Variants in ZNF438 observed in about 807,000 individuals in gnomAD.
The protein encoded by ZNF438 is zinc finger protein 438.
In ZNF438, 25 loss-of-function variants were observed where a neutral mutation model predicts 38.0. The observed-to-expected ratio is 0.66, with a 90% CI of 0.48 to 0.92. ZNF438 has a LOEUF of 0.92. ZNF438 is among the 40% of genes least tolerant of loss of function. ZNF438 has a pLI of 0.00. For missense variants in ZNF438, 1,007 were observed against 999.6 expected, an observed-to-expected ratio of 1.01 and a Z score of -0.10; for synonymous variants, 372 against 364.1, an observed-to-expected ratio of 1.02 and a Z score of -0.25.
At chr10:30,937,912 C>G (rs2046417980) in intron 2 of ZNF438, among the ~76,000 whole-genome samples, 1 of 152,198 alleles carries the variant, frequency 6.6e-6, no homozygotes, top group African/African-American at 2.4e-5. Flanking sequence ...CTCAACTCCT[C>G]AGGAGGGCAT....
intron 1 of ZNF438, among the ~76,000 whole-genome samples, chr10:30,946,025 TA>T (rs2047366473): frequency 1.5e-5 from 2 of 135,118 alleles, no homozygotes; most frequent in African/African-American, 5.7e-5. Context: ...ACCAACAGTG[TA>T]AAAGTGTTCC....
At chr10:30,905,802 T>TTG (rs2042521098) in intron 3 of ZNF438, among the ~76,000 whole-genome samples, 1 of 152,236 alleles carries the variant, frequency 6.6e-6, no homozygotes, top group South Asian at 2.1e-4. Flanking sequence ...GGATATCCAC[T>TTG]TGTCCCAAGA....
chr10:30,922,751 C>A (rs1348386011), intron 2 of ZNF438, among the ~76,000 whole-genome samples: 1 of 151,768 alleles, frequency 6.6e-6, no homozygotes, highest in Non-Finnish European at 1.5e-5. Context: ...AGGAGGATCA[C>A]TTGAACCAGA....
intron 4 of ZNF438, chr10:30,857,637 T>C (rs750621369): frequency 6.3e-6 from 9 of 1,421,238 alleles, no homozygotes; most frequent in Non-Finnish European, 7.7e-6. Flanking sequence ...TAATAGTCAT[T>C]TGAAAGCAAA....
At chr10:30,987,512 C>G (rs1251252948) in intron 1 of ZNF438, among the ~76,000 whole-genome samples, 1 of 152,070 alleles carries the variant, frequency 6.6e-6, no homozygotes, top group Non-Finnish European at 1.5e-5. Flanking sequence ...TTGAAAATAG[C>G]TATGGACTAA....
chr10:30,922,343 T>C (rs1294934087), intron 2 of ZNF438, among the ~76,000 whole-genome samples: 1 of 152,210 alleles, frequency 6.6e-6, no homozygotes, highest in African/African-American at 2.4e-5. Flanking sequence ...TGGAGGCATA[T>C]ATTAACATAT....
chr10:31,032,164 C>T (rs1287659743), upstream of ZNF438, among the ~76,000 whole-genome samples: 2 of 152,220 alleles, frequency 1.3e-5, no homozygotes, highest in Non-Finnish European at 2.9e-5. Flanking sequence ...CAAAAGGGGA[C>T]GGAGACCTTC....
At chr10:30,845,674 G>T in intron 5 of ZNF438, 101 bp from the exon 7 acceptor site, 1 of 1,383,504 alleles carries the variant, frequency 7.2e-7, no homozygotes, top group Non-Finnish European at 9.7e-7. Flanking sequence ...ACATAACACT[G>T]ACGAGAAAGA....
At chr10:30,858,831 C>A (rs1048262615) in intron 4 of ZNF438, among the ~76,000 whole-genome samples, 2 of 152,126 alleles carry the variant, frequency 1.3e-5, no homozygotes, top group African/African-American at 4.8e-5. Flanking sequence ...TCCTTAACAC[C>A]ACCAGTGACA....
At chr10:30,996,934 C>T (rs1362170543) in intron 1 of ZNF438, among the ~76,000 whole-genome samples, 2 of 152,022 alleles carry the variant, frequency 1.3e-5, no homozygotes, top group Non-Finnish European at 2.9e-5. Context: ...GAACCACACT[C>T]CTAAATAACC....
At chr10:30,878,877 C>A (rs1420735335) in intron 3 of ZNF438, among the ~76,000 whole-genome samples, 1 of 152,124 alleles carries the variant, frequency 6.6e-6, no homozygotes, top group Non-Finnish European at 1.5e-5. Context: ...GTAAACAGGG[C>A]ACCCCCATTG....
At chr10:30,999,652 ATTCAT>A in intron 1 of ZNF438, 1 of 152,280 alleles carries the variant, frequency 6.6e-6, no homozygotes, top group Non-Finnish European at 1.5e-5. Flanking sequence ...TGTTTCAGGG[ATTCAT>A]TTCATTTGCT....
At chr10:30,856,452 C>T (rs1184193942) in intron 4 of ZNF438, among the ~76,000 whole-genome samples, 3 of 151,480 alleles carry the variant, frequency 2.0e-5, no homozygotes, top group Non-Finnish European at 4.4e-5. Context: ...ATTAAGTTTT[C>T]AAAAACTCTA....
intron 1 of ZNF438, among the ~76,000 whole-genome samples, chr10:30,967,780 T>C (rs2050290376): frequency 6.6e-6 from 1 of 152,182 alleles, no homozygotes; most frequent in African/African-American, 2.4e-5. Context: ...TGGGACACAC[T>C]TGGCCAGTGC....
At chr10:30,867,365 T>C (rs983279070) in intron 4 of ZNF438, among the ~76,000 whole-genome samples, 2 of 152,218 alleles carry the variant, frequency 1.3e-5, no homozygotes, top group African/African-American at 2.4e-5. Flanking sequence ...GCAAAAGTAA[T>C]TGTGGTTTTT....
rs116551667 is a variant in ZNF438 at position 30,864,405 on chromosome 10, G to A, written c.37+12593C>T. Among the ~76,000 whole-genome samples, 1,516 of 152,304 alleles carry A rather than the reference G, an allele frequency of 1.0e-2. 26 individuals are homozygous for A. Among genetic ancestry groups the A allele is most frequent in the African/African-American group, 0.034 (1,404 of 41,554 alleles). ...CCCCAGCTCTCAGGGAGGCTGGCCT[G>A]TGACCATCCTGTCTAAAAGGAGCTG... On this transcript the variant is annotated intron_variant, in intron 4 of 5. Coordinates refer to ENST00000413025, the Ensembl canonical transcript of ZNF438.
chr10:30,947,906 C>G (rs1157656373), intron 1 of ZNF438, among the ~76,000 whole-genome samples: 1 of 152,206 alleles, frequency 6.6e-6, no homozygotes. Flanking sequence ...TGACCTGCGC[C>G]CACTGTCTGG....
intron 4 of ZNF438, among the ~76,000 whole-genome samples, chr10:30,865,821 T>C (rs2036327694): frequency 6.6e-6 from 1 of 152,230 alleles, no homozygotes; most frequent in South Asian, 2.1e-4. Flanking sequence ...TTGAGCAAGA[T>C]AATAATCCTT....
intron 2 of ZNF438, among the ~76,000 whole-genome samples, chr10:30,931,024 T>C (rs926590381): frequency 2.6e-5 from 4 of 152,092 alleles, no homozygotes; most frequent in Admixed American, 2.0e-4. Context: ...GCTATGCCCC[T>C]CTACTGGAGC....
Sources: allele counts gnomAD v4.1 joint callset (sites outside exome capture counted in the v4.1 genomes callset), GRCh38; gene constraint gnomAD v4.1.1; transcripts MANE v1.5; gene names NCBI Gene and HGNC (gene_info 2026-07-23, HGNC 2026-07-21).